JARID2: variants seen among roughly 807,000 people sequenced by gnomAD.
JARID2 encodes the protein jumonji and AT-rich interaction domain containing 2.
Under a neutral mutation model 125.6 loss-of-function variants are expected in JARID2, and 21 were observed. That is an observed-to-expected ratio of 0.17 (90% CI 0.12 to 0.24). The LOEUF is 0.24. Ranked by LOEUF, JARID2 falls within the 10% of genes least tolerant of loss-of-function variation. The pLI, the probability that JARID2 is intolerant of heterozygous loss-of-function variation, is 1.00. For missense variants in JARID2, 1,303 were observed against 1,639.6 expected (o/e 0.79, Z 3.55); for synonymous variants, 736 against 661.6 (o/e 1.11, Z -1.73).
At chr6:15,260,651 CT>C (rs1759838126) in intron 1 of JARID2, among the ~76,000 whole-genome samples, 1 of 152,118 alleles carries the variant, frequency 6.6e-6, no homozygotes, top group Non-Finnish European at 1.5e-5. Context: ...CAATGGAGTT[CT>C]TGTCTGGATG....
intron 1 of JARID2, among the ~76,000 whole-genome samples, chr6:15,306,078 A>G (rs1324585878): frequency 6.6e-6 from 1 of 152,154 alleles, no homozygotes; most frequent in Non-Finnish European, 1.5e-5. Context: ...AAGCTCTACC[A>G]GCAATCCTCG....
At chr6:15,409,894 ACTC>A (rs1327486788) in intron 2 of JARID2, among the ~76,000 whole-genome samples, 2 of 152,070 alleles carry the variant, frequency 1.3e-5, no homozygotes, top group African/African-American at 4.8e-5. Context: ...GATAACAGAT[ACTC>A]CTTTCTTCCT....
In JARID2 at chr6:15,301,697, A is replaced by G. The variant is rs1330686159; in HGVS notation, c.45+55113A>G. Among the ~76,000 whole-genome samples the G allele has an allele frequency of 3.3e-5, 5 of 152,240 alleles. No individual in the cohort carries two copies. The East Asian group carries it at 7.7e-4, about 23-fold the overall frequency. On this transcript the variant is annotated intron_variant, in intron 1 of 17. Coordinates refer to ENST00000341776, the MANE Select transcript of JARID2 (RefSeq NM_004973.4). ...TGATAGGAAGACTGAGTGAAAAACA[A>G]TAGTTGTCTTGTATATTTGAAACGT...
At chr6:15,428,930 A>AC (rs10660512) in intron 3 of JARID2, among the ~76,000 whole-genome samples, 14,208 of 89,532 alleles carry the variant, frequency 0.16, 1,019 homozygotes, top group South Asian at 0.26. Flanking sequence ...AAAAAAACAA[A>AC]CCCCCCCCCC....
intron 1 of JARID2, among the ~76,000 whole-genome samples, chr6:15,348,307 G>T (rs955142795): frequency 6.6e-6 from 1 of 152,218 alleles, no homozygotes; most frequent in South Asian, 2.1e-4. Context: ...GGCCAGTCCG[G>T]TCTGGAACTC....
At chr6:15,339,851 A>AGAAGAG in intron 1 of JARID2, among the ~76,000 whole-genome samples, 1 of 152,150 alleles carries the variant, frequency 6.6e-6, no homozygotes, top group African/African-American at 2.4e-5. Flanking sequence ...GCTCTCTTCT[A>AGAAGAG]AAGTTTATCT....
chr6:15,357,500 G>A (rs1763643020), intron 1 of JARID2, among the ~76,000 whole-genome samples: 1 of 152,178 alleles, frequency 6.6e-6, no homozygotes, highest in Non-Finnish European at 1.5e-5. Context: ...TGTGGGTCTA[G>A]ATGGACAACT....
chr6:15,466,513 A>C (rs908931659), intron 4 of JARID2, among the ~76,000 whole-genome samples: 4 of 152,242 alleles, frequency 2.6e-5, no homozygotes, highest in African/African-American at 9.6e-5. Flanking sequence ...TTCTCTCCTA[A>C]TGGTATGACT....
intron 2 of JARID2, among the ~76,000 whole-genome samples, chr6:15,387,966 A>G (rs1764851686): frequency 6.6e-6 from 1 of 152,094 alleles, no homozygotes. Flanking sequence ...TTGACGTGTA[A>G]TAGAATAGAA....
intron 4 of JARID2, among the ~76,000 whole-genome samples, chr6:15,458,712 G>A (rs1021520897): frequency 3.9e-5 from 6 of 152,208 alleles, no homozygotes; most frequent in Non-Finnish European, 8.8e-5. Context: ...GAAGGGAGAG[G>A]CCCTGGGATG....
intron 1 of JARID2, among the ~76,000 whole-genome samples, chr6:15,298,443 T>TG (rs1401743567): frequency 6.6e-6 from 1 of 151,884 alleles, no homozygotes; most frequent in African/African-American, 2.4e-5. Context: ...CCCAGCACTT[T>TG]GGGAGGCAGA....
chr6:15,492,716 G>A (rs1561900953), intron 6 of JARID2, among the ~76,000 whole-genome samples: 2 of 152,174 alleles, frequency 1.3e-5, no homozygotes, highest in South Asian at 2.1e-4. Flanking sequence ...GTGGCCTCTC[G>A]TGGTGGGCAT....
intron 1 of JARID2, among the ~76,000 whole-genome samples, chr6:15,294,995 C>G (rs895286340): frequency 6.6e-6 from 1 of 151,872 alleles, no homozygotes; most frequent in African/African-American, 2.4e-5. Flanking sequence ...AATCCAAATT[C>G]AAGAATTTAG....
intron 3 of JARID2, among the ~76,000 whole-genome samples, chr6:15,426,132 G>T (rs559631896): frequency 6.6e-6 from 1 of 152,274 alleles, no homozygotes; most frequent in Non-Finnish European, 1.5e-5. Context: ...TTTGCCTTGG[G>T]AGGGGACAGC....
intron 1 of JARID2, chr6:15,247,466 C>G (rs1759223729): frequency 1.0e-6 from 1 of 981,514 alleles, no homozygotes; most frequent in African/African-American, 1.8e-5. Context: ...GAAAGGGGGA[C>G]CGAGGGATTA....
intron 2 of JARID2, among the ~76,000 whole-genome samples, chr6:15,400,284 CAG>C (rs778015856): frequency 4.0e-5 from 6 of 151,862 alleles, no homozygotes; most frequent in Non-Finnish European, 7.4e-5. Flanking sequence ...AAGCTGGAAT[CAG>C]AGTAAGGGGG....
chr6:15,519,747 C>CT (rs1771741988), intron 17 of JARID2, among the ~76,000 whole-genome samples: 1 of 152,164 alleles, frequency 6.6e-6, no homozygotes, highest in African/African-American at 2.4e-5. Context: ...AACAAAGCCC[C>CT]TGGGTCTCTT....
chr6:15,381,447 G>A (rs1764584813), intron 2 of JARID2, among the ~76,000 whole-genome samples: 1 of 151,902 alleles, frequency 6.6e-6, no homozygotes, highest in Non-Finnish European at 1.5e-5. Flanking sequence ...ACCAGTTGCA[G>A]CTTGAGTTTT....
chr6:15,379,993 T>G (rs557049087), intron 2 of JARID2, among the ~76,000 whole-genome samples: 2 of 151,194 alleles, frequency 1.3e-5, no homozygotes, highest in African/African-American at 4.9e-5. Context: ...AAGTAGGTAT[T>G]TATTTGGAAG....
Sources: gnomAD v4.1 joint callset for allele counts (sites outside exome capture counted in the v4.1 genomes callset) on GRCh38, gnomAD v4.1.1 for gene constraint, MANE v1.5 for transcripts, NCBI Gene and HGNC (gene_info 2026-07-23, HGNC 2026-07-21) for gene names.